PLXNA4: variants seen among roughly 807,000 people sequenced by gnomAD.
The protein encoded by PLXNA4 is plexin A4, also known as plexin-A4.
PLXNA4 carries 44 observed loss-of-function variants against 191.8 expected under a neutral mutation model. The observed-to-expected ratio is 0.23, with a 90% confidence interval of 0.18 to 0.29. The LOEUF (loss-of-function observed/expected upper bound fraction) is 0.29. Among genes scored for constraint, PLXNA4 ranks in the 10% least tolerant of loss-of-function variants. PLXNA4 has a pLI of 1.00. For missense variants in PLXNA4, 1,800 were observed against 2,488.8 expected (o/e 0.72, Z 5.89); for synonymous variants, 1,082 against 1,009.5 (o/e 1.07, Z -1.36).
intron 3 of PLXNA4, among the ~76,000 whole-genome samples, chr7:132,350,695 G>A (rs1251585929): frequency 3.3e-5 from 5 of 152,136 alleles, no homozygotes; most frequent in South Asian, 2.1e-4. Context: ...TGGTGGGAAT[G>A]GAAGTGAGGT....
At chr7:132,496,042 C>A (rs156949) in intron 2 of PLXNA4, among the ~76,000 whole-genome samples, 1 of 152,114 alleles carries the variant, frequency 6.6e-6, no homozygotes, top group Non-Finnish European at 1.5e-5. Flanking sequence ...ATGGACAGAC[C>A]TGGGCCATGA....
intron 31 of PLXNA4, among the ~76,000 whole-genome samples, chr7:132,131,763 C>T (rs545801042): frequency 6.2e-4 from 95 of 152,374 alleles, no homozygotes; most frequent in African/African-American, 2.2e-3. Context: ...TCCTTATTAT[C>T]TTGCATTGCC....
At chr7:132,201,190 C>G (rs533268891) in intron 12 of PLXNA4, among the ~76,000 whole-genome samples, 27 of 152,254 alleles carry the variant, frequency 1.8e-4, no homozygotes, top group African/African-American at 6.0e-4. Flanking sequence ...GGATGGGGAA[C>G]AGATGCTTCC....
chr7:132,285,162 T>C (rs933356822), intron 4 of PLXNA4, among the ~76,000 whole-genome samples: 9 of 152,258 alleles, frequency 5.9e-5, no homozygotes, highest in African/African-American at 1.9e-4. Context: ...TTCTTATTTA[T>C]TCATTATAAC....
intron 9 of PLXNA4, among the ~76,000 whole-genome samples, chr7:132,212,479 G>A (rs1003674663): frequency 2.6e-5 from 4 of 151,714 alleles, no homozygotes; most frequent in Non-Finnish European, 5.9e-5. Context: ...TAGTACCCGT[G>A]AGCTGCTGAT....
At chr7:132,294,644 C>A (rs1250316249) in intron 4 of PLXNA4, among the ~76,000 whole-genome samples, 1 of 152,092 alleles carries the variant, frequency 6.6e-6, no homozygotes, top group Non-Finnish European at 1.5e-5. Flanking sequence ...GGGAAATAGC[C>A]ATATTCTGGA....
At chr7:132,594,687 T>C (rs1227003972) in intron 2 of PLXNA4, among the ~76,000 whole-genome samples, 1 of 152,102 alleles carries the variant, frequency 6.6e-6, no homozygotes, top group African/African-American at 2.4e-5. Context: ...CAAAGAACGG[T>C]TCCAAATTTA....
intron 3 of PLXNA4, among the ~76,000 whole-genome samples, chr7:132,399,226 C>T (rs1224409710): frequency 6.6e-6 from 1 of 152,194 alleles, no homozygotes; most frequent in Non-Finnish European, 1.5e-5. Context: ...CTCAGCATCA[C>T]ACTGGTCACC....
rs1563047986 is a variant in PLXNA4, at chr7:132,132,423, TTCTGTTCTGTTC to T, written c.5589+614_5589+625del. Among the ~76,000 whole-genome samples, 184 of 75,738 alleles carry T rather than the reference TTCTGTTCTGTTC, an allele frequency of 2.4e-3. 3 individuals carry two copies. Among genetic ancestry groups the T allele is most frequent in the African/African-American group, 8.9e-3 (179 of 20,026 alleles). The allele number at this position is 75,738 out of a possible 152,430, so 49.7% of individuals were successfully genotyped here. On this transcript the variant is annotated intron_variant, in intron 31 of 31. Transcript: ENST00000321063. Reference sequence around the variant, plus strand: ...TTCTGTTCTGTTCTGTTCTGTTCTGTTCTGTTCTGTTCTGTTCTGTTCTGTTCTGTTCTGTTC... The same window carrying T: ...TTCTGTTCTGTTCTGTTCTGTTCTGTTGTTCTGTTCTGTTCTGTTCTGTTC...
intron 3 of PLXNA4, among the ~76,000 whole-genome samples, chr7:132,345,074 C>G (rs986750160): frequency 2.0e-5 from 3 of 152,162 alleles, no homozygotes; most frequent in Non-Finnish European, 4.4e-5. Flanking sequence ...CATTTTAGAT[C>G]ATAGATCTTT....
chr7:132,384,868 C>T lies in PLXNA4; in HGVS notation c.1372-86646G>A. On this transcript the variant is annotated intron_variant, in intron 3 of 31. Transcript: ENST00000321063. ...ACCATATATCAGGCCCAAGAGATAACTATATTCCGATGGGAGAATCAGTTA... is the reference window on the plus strand; with the variant it reads ...ACCATATATCAGGCCCAAGAGATAATTATATTCCGATGGGAGAATCAGTTA... 3 of 1,179,056 alleles carry T rather than the reference C, an allele frequency of 2.5e-6. No individual in the cohort carries two copies. The South Asian group carries it at 5.2e-5, about 20-fold the overall frequency. 73.0% of individuals were successfully genotyped at this position (1,179,056 alleles called of 1,614,324 possible).
intron 3 of PLXNA4, among the ~76,000 whole-genome samples, chr7:132,472,577 G>A (rs914304792): frequency 5.9e-5 from 9 of 152,304 alleles, no homozygotes; most frequent in East Asian, 3.9e-4. Context: ...ACCCCCAGCC[G>A]ACCGCCTCCC....
At chr7:132,567,494 C>G (rs1801788695) in intron 1 of PLXNA4, among the ~76,000 whole-genome samples, 1 of 152,162 alleles carries the variant, frequency 6.6e-6, no homozygotes, top group Non-Finnish European at 1.5e-5. Flanking sequence ...TCTGGAATAG[C>G]CAGTCAGTCT....
intron 25 of PLXNA4, among the ~76,000 whole-genome samples, chr7:132,155,879 A>G (rs1013888608): frequency 6.6e-6 from 1 of 152,128 alleles, no homozygotes; most frequent in Non-Finnish European, 1.5e-5. Flanking sequence ...ATGGATTTTG[A>G]ATAAAGCAGA....
intron 14 of PLXNA4, among the ~76,000 whole-genome samples, chr7:132,191,288 G>A (rs1797078624): frequency 1.3e-5 from 2 of 152,186 alleles, no homozygotes; most frequent in South Asian, 2.1e-4. Flanking sequence ...TCTGGGACAT[G>A]GTGATGGATT....
intron 3 of PLXNA4, among the ~76,000 whole-genome samples, chr7:132,317,228 C>T (rs1400391179): frequency 6.8e-6 from 1 of 147,042 alleles, no homozygotes; most frequent in African/African-American, 2.5e-5. Context: ...GTGTGCTGTG[C>T]TATATCATGT....
intron 25 of PLXNA4, 125 bp from the exon 26 acceptor site, chr7:132,148,771 T>C (rs2116578437): frequency 2.1e-6 from 3 of 1,410,262 alleles, no homozygotes; most frequent in South Asian, 2.9e-5. Context: ...TGCTAGCACA[T>C]GCTCCTGCGA....
chr7:132,164,602 C>T (rs980525301), intron 23 of PLXNA4, among the ~76,000 whole-genome samples: 6 of 152,076 alleles, frequency 3.9e-5, no homozygotes, highest in Admixed American at 6.6e-5. Flanking sequence ...TCTCCCTCCC[C>T]ACCTCACCCC....
At chr7:132,367,352 A>T (rs1804228064) in intron 3 of PLXNA4, among the ~76,000 whole-genome samples, 1 of 152,136 alleles carries the variant, frequency 6.6e-6, no homozygotes, top group Non-Finnish European at 1.5e-5. Context: ...TTTCCAAAGG[A>T]TCACCATACA....
Sources: gnomAD v4.1 joint callset for allele counts (sites outside exome capture counted in the v4.1 genomes callset) on GRCh38, gnomAD v4.1.1 for gene constraint, MANE v1.5 for transcripts, NCBI Gene and HGNC (gene_info 2026-07-23, HGNC 2026-07-21) for gene names.